The following TRIM52 variants were observed in gnomAD, a reference collection of about 807,000 sequenced individuals.
TRIM52 encodes tripartite motif containing 52.
A neutral mutation model predicts 27.0 loss-of-function variants in TRIM52; 24 were observed. That is an observed-to-expected ratio of 0.89 (90% CI 0.64 to 1.25). The LOEUF (loss-of-function observed/expected upper bound fraction) is 1.25. TRIM52 is among the 50% of genes most tolerant of loss of function. The pLI, the probability that TRIM52 is intolerant of heterozygous loss-of-function variation, is 0.00. For synonymous variants in TRIM52, 125 were observed against 126.5 expected (o/e 0.99, Z 0.08); for missense variants, 351 against 354.7 (o/e 0.99, Z 0.08).
At chr5:181,259,747 G>A (rs1759948573) in intron 1 of TRIM52, 2 of 658,958 alleles carry the variant, frequency 3.0e-6, no homozygotes, top group Admixed American at 6.1e-5. Context: ...TAGCAGTAGT[G>A]GTCCGCTTCC....
Position 181,256,723 on chromosome 5 carries a change from T to G in TRIM52, c.*86A>C, listed in dbSNP as rs1375716207. The G allele has an allele frequency of 1.3e-6, 1 of 794,306 alleles. No homozygotes were observed. The highest frequency in any genetic ancestry group is 1.5e-6 in the Non-Finnish European group (1 of 655,834). The allele number at this position is 794,306 out of a possible 1,614,324, so 49.2% of individuals were successfully genotyped here. On this transcript the variant is annotated 3_prime_UTR_variant, in exon 2 of 2. Coordinates refer to ENST00000688015, the MANE Select transcript of TRIM52 (RefSeq NM_001346048.2). ...GATTCCTGTGAATATTTCAATACTG[T>G]CCAGTCTTAAAGCTGCAGAGAATCG... is the stretch of plus-strand genomic sequence containing the variant.
rs1275860756 is a variant in TRIM52 at position 181,255,184 on chromosome 5, T to C, written c.*1625A>G. 2.6e-5 allele frequency: 4 copies of C among 152,238 alleles called. No individual in the cohort carries two copies. The highest frequency in any genetic ancestry group is 5.9e-5 in the Non-Finnish European group (4 of 68,038). 9.4% of individuals were successfully genotyped at this position (152,238 alleles called of 1,614,324 possible). On this transcript the variant is annotated 3_prime_UTR_variant, in exon 2 of 2. Transcript: ENST00000688015. ...GAAAAAATTTATTCAGATGATGTGA[T>C]AGCCATGTCACTGTTAAGCCTGAAC...
At chr5:181,257,099 A>G (rs1759814279) in intron 1 of TRIM52, 2 of 1,037,968 alleles carry the variant, frequency 1.9e-6, no homozygotes, top group African/African-American at 3.4e-5. Flanking sequence ...CTTTTTATAC[A>G]CCCGTCTGCT....
downstream of TRIM52, among the ~76,000 whole-genome samples, chr5:181,252,497 G>C (rs1759656440): frequency 6.6e-6 from 1 of 152,226 alleles, no homozygotes; most frequent in Non-Finnish European, 1.5e-5. Context: ...AGTTCTATTA[G>C]CTTGAATGTG....
chr5:181,250,504 C>G (rs1347855415), downstream of TRIM52, among the ~76,000 whole-genome samples: 1 of 149,658 alleles, frequency 6.7e-6, no homozygotes, highest in Non-Finnish European at 1.5e-5. Flanking sequence ...TCACCGCACT[C>G]CAGCCTGGGC....
At chr5:181,254,322 CA>C (rs1759701849), downstream of TRIM52, 2 of 127,164 alleles carry the variant, frequency 1.6e-5, 1 homozygote, top group African/African-American at 8.3e-5. Flanking sequence ...AAAAAGAAAT[CA>C]ATCAATCAAT....
chr5:181,256,497 A>G lies in TRIM52; in HGVS notation c.*312T>C, dbSNP rs899701325. 2 of 151,730 alleles carry G rather than the reference A, an allele frequency of 1.3e-5. No individual in the cohort carries two copies. Among genetic ancestry groups the G allele is most frequent in the Non-Finnish European group, 2.9e-5 (2 of 68,128 alleles). 9.4% of individuals were successfully genotyped at this position (151,730 alleles called of 1,614,324 possible). A position where few individuals can be genotyped will look rare whatever the true frequency, so the allele number is the denominator to read the frequency against. On this transcript the variant is annotated 3_prime_UTR_variant, in exon 2 of 2. Transcript: ENST00000688015. ...CATTCTCCTGCCTCAGCCTCTTGCG[A>G]GCTGATGTTTTTTAAGATCTGAAGT...
rs1242314190 is a variant in TRIM52, at chr5:181,261,087, C to T, written c.-274G>A. 2 of 419,602 alleles carry T rather than the reference C, an allele frequency of 4.8e-6. No homozygotes were observed. Among genetic ancestry groups the T allele is most frequent in the Non-Finnish European group, 8.5e-6 (2 of 234,376 alleles). 26.0% of individuals were successfully genotyped at this position (419,602 alleles called of 1,614,324 possible). On this transcript the variant is annotated 5_prime_UTR_variant, in exon 1 of 2. Transcript: ENST00000688015. ...CGTCTCTCGCTACCCTCAGGGTGTG[C>T]CCTACACTGCGGCGTCCGCCTCAGA... is the stretch of plus-strand genomic sequence containing the variant.
chr5:181,251,643 G>A (rs1417739762), downstream of TRIM52, among the ~76,000 whole-genome samples: 10 of 152,166 alleles, frequency 6.6e-5, no homozygotes, highest in African/African-American at 2.2e-4. Context: ...CTTCTCAAGA[G>A]CAGAAATGAG....
chr5:181,253,775 C>T (rs1188774890), downstream of TRIM52, among the ~76,000 whole-genome samples: 1 of 142,382 alleles, frequency 7.0e-6, no homozygotes, highest in African/African-American at 2.9e-5. Flanking sequence ...AGGAGGATCA[C>T]TTGAGCCCAC....
chr5:181,250,752 T>A (rs191531013), downstream of TRIM52, among the ~76,000 whole-genome samples: 1 of 152,258 alleles, frequency 6.6e-6, no homozygotes, highest in East Asian at 1.9e-4. Context: ...GTATGAGGGA[T>A]GAAGGGCAGT....
chr5:181,256,901 A>G (rs1177516894), intron 1 of TRIM52, 42 bp from the exon 2 acceptor site: 4 of 980,388 alleles, frequency 4.1e-6, no homozygotes, highest in Non-Finnish European at 4.8e-6. Flanking sequence ...AAGCCTCAAC[A>G]TTTTTTTTTG....
downstream of TRIM52, among the ~76,000 whole-genome samples, chr5:181,251,886 G>T (rs1364300812): frequency 1.3e-5 from 2 of 152,140 alleles, no homozygotes; most frequent in African/African-American, 4.8e-5. Context: ...AACACGGAAA[G>T]AACCCACTTA....
intron 1 of TRIM52, chr5:181,257,937 C>T: frequency 6.5e-6 from 1 of 152,978 alleles, no homozygotes; most frequent in Middle Eastern, 3.4e-3. Context: ...TTGCAGTGAG[C>T]CGAGATCGCA....
At position 181,260,577 on chromosome 5, in the gene TRIM52, G is replaced by A. The variant is rs768201913; in HGVS notation, c.237C>T (p.Asp79=). Residue 79 remains aspartate, a synonymous_variant, in exon 1 of 2, where the codon GAC becomes GAT. Coordinates refer to ENST00000688015, the MANE Select transcript of TRIM52 (RefSeq NM_001346048.2). This position sits in a 1 kb window ranked among gnomAD's most constrained non-coding sequence, Gnocchi z 4.4. ...GATACAACACCTCTCGAATGGAGCC[G>A]TCCCATCCATCCATGGCCCCCACCG... ...EEAVGAMDGW[D]GSIREVLYRG... 6.2e-7 allele frequency: 1 copy of A among 1,613,548 alleles called. No individual in the cohort carries two copies. The highest frequency in any genetic ancestry group is 1.3e-5 in the African/African-American group (1 of 74,718).
chr5:181,260,139 GC>G lies in TRIM52; in HGVS notation c.674del (p.Gly225AlafsTer10). 1 of 1,614,198 alleles carries G rather than the reference GC, an allele frequency of 6.2e-7. No individual in the cohort carries two copies. The highest frequency in any genetic ancestry group is 1.1e-5 in the South Asian group (1 of 91,084). On this transcript the variant is annotated frameshift_variant, in exon 1 of 2. Transcript: ENST00000688015. LOFTEE classifies it high-confidence loss of function. The surrounding 1 kb of genome is among the most constrained non-coding windows in gnomAD (Gnocchi z 4.4). ...PYRGNRSNDQ[G>X]MCFKHQEALK... ...GGGCTTCCTGGTGTTTAAAGCACATGCCCTGATCATTACTCCGGTTTCCCCG... is the reference window on the plus strand; with the variant it reads ...GGGCTTCCTGGTGTTTAAAGCACATGCCTGATCATTACTCCGGTTTCCCCG...
Position 181,260,236 on chromosome 5 carries a change from C to A in TRIM52, c.578G>T (p.Arg193Leu). ...CPQCRKSFTR[R>L]SFRPNLQLAN... Reference sequence around the variant, plus strand: ...CAGCTGCAAGTTGGGACGAAAGCTGCGACGTGTAAAGCTCTTTCGGCACTG... The same window carrying A: ...CAGCTGCAAGTTGGGACGAAAGCTGAGACGTGTAAAGCTCTTTCGGCACTG... Residue 193 changes from arginine to leucine, a missense_variant, in exon 1 of 2, where the codon CGC becomes CTC. Transcript: ENST00000688015. The surrounding 1 kb of genome is among the most constrained non-coding windows in gnomAD (Gnocchi z 4.4). 1.9e-6 allele frequency: 3 copies of A among 1,614,218 alleles called. No homozygotes were observed. Among genetic ancestry groups the A allele is most frequent in the East Asian group, 2.2e-5 (1 of 44,888 alleles).
chr5:181,254,894 C>G (rs1759717900), downstream of TRIM52: 1 of 152,088 alleles, frequency 6.6e-6, no homozygotes, highest in Non-Finnish European at 1.5e-5. Context: ...AGATGTGTAG[C>G]CAATCTGAAG....
chr5:181,252,859 C>T (rs1296679227), downstream of TRIM52, among the ~76,000 whole-genome samples: 1 of 152,156 alleles, frequency 6.6e-6, no homozygotes. Flanking sequence ...TGTTATTACT[C>T]AAAATCTCCA....
Sources: gnomAD v4.1 joint callset for allele counts (sites outside exome capture counted in the v4.1 genomes callset) on GRCh38, gnomAD v4.1.1 for gene constraint, Gnocchi (gnomAD v3.1) non-coding constraint, MANE v1.5 for transcripts, NCBI Gene and HGNC (gene_info 2026-07-23, HGNC 2026-07-21) for gene names.